Variants in MYO16 observed in about 807,000 individuals in gnomAD.
MYO16 encodes the protein unconventional myosin-XVI.
In MYO16, 94 loss-of-function variants were observed where a neutral mutation model predicts 205.3. That is an observed-to-expected ratio of 0.46 (90% CI 0.39 to 0.54). The LOEUF (loss-of-function observed/expected upper bound fraction) is 0.54. Among genes scored for constraint, MYO16 ranks in the 20% least tolerant of loss-of-function variants. The pLI is 0.00. For missense variants in MYO16, 2,315 were observed against 2,387.5 expected (o/e 0.97, Z 0.63); for synonymous variants, 988 against 954.0 (o/e 1.04, Z -0.66).
chr13:109,088,317 C>T (rs541666754), intron 27 of MYO16, among the ~76,000 whole-genome samples: 1 of 152,238 alleles, frequency 6.6e-6, no homozygotes, highest in Admixed American at 6.5e-5. Context: ...GGAGATGGAG[C>T]TTGGTGTATG....
chr13:109,125,229 A>T lies in MYO16; in HGVS notation c.3653A>T (p.Tyr1218Phe). Residue 1218 changes from tyrosine (Y) to phenylalanine (F), a missense_variant, in exon 30 of 35, where the codon TAC (tyrosine) becomes TTC (phenylalanine). By Grantham distance (22) the Tyr-to-Phe change is conservative. Coordinates refer to ENST00000457511, the MANE Select transcript of MYO16 (RefSeq NM_001198950.3). This position sits in a 1 kb window ranked among gnomAD's most constrained non-coding sequence, Gnocchi z 4.0. Reference sequence around the variant, plus strand: ...ACAGAGGACATGGGGCTGAAAACCTACGATGCCCTGGTCATTCAGAATGCT... The same window carrying T: ...ACAGAGGACATGGGGCTGAAAACCTTCGATGCCCTGGTCATTCAGAATGCT... Reference protein sequence around the residue: ...QNTEDMGLKTYDALVIQNASD... With the variant: ...QNTEDMGLKTFDALVIQNASD... 1.2e-6 allele frequency: 2 copies of T among 1,614,172 alleles called. No homozygotes were observed. The highest frequency in any genetic ancestry group is 1.7e-6 in the Non-Finnish European group (2 of 1,180,030).
At chr13:108,763,263 G>A (rs1384635874) in intron 4 of MYO16, among the ~76,000 whole-genome samples, 1 of 152,106 alleles carries the variant, frequency 6.6e-6, no homozygotes, top group Non-Finnish European at 1.5e-5. Flanking sequence ...ACTCACTAAT[G>A]CATTTCTACA....
chr13:108,527,292 G>C, the MYO16 span, among the ~76,000 whole-genome samples: 1 of 152,070 alleles, frequency 6.6e-6, no homozygotes, highest in Non-Finnish European at 1.5e-5. Flanking sequence ...AGAAACCCAA[G>C]TTCATGATGA....
At chr13:109,175,091 C>T (rs76161364) in intron 33 of MYO16, among the ~76,000 whole-genome samples, 16 of 152,222 alleles carry the variant, frequency 1.1e-4, no homozygotes, top group Admixed American at 2.6e-4. Context: ...GAACCCACTA[C>T]GCTCTGCATG....
intron 32 of MYO16, among the ~76,000 whole-genome samples, chr13:109,153,231 C>T (rs774098294): frequency 4.6e-5 from 7 of 152,002 alleles, no homozygotes; most frequent in Admixed American, 2.0e-4. Context: ...AGGATTTATA[C>T]GGGCAAATAG....
chr13:108,636,769 T>C (rs547364958), intron 1 of MYO16, among the ~76,000 whole-genome samples: 1 of 152,344 alleles, frequency 6.6e-6, no homozygotes, highest in African/African-American at 2.4e-5. Context: ...TCTAGAGCTT[T>C]ATAGTACCTA....
the MYO16 span, among the ~76,000 whole-genome samples, chr13:108,528,238 T>A: frequency 6.6e-6 from 1 of 152,166 alleles, no homozygotes; most frequent in South Asian, 2.1e-4. Flanking sequence ...TATGGCATTT[T>A]AAACCAAAGC....
intron 6 of MYO16, among the ~76,000 whole-genome samples, chr13:108,804,431 G>A (rs1887054695): frequency 6.6e-6 from 1 of 152,118 alleles, no homozygotes; most frequent in Non-Finnish European, 1.5e-5. Flanking sequence ...GTTGCAGTTG[G>A]GCACCTGATA....
At chr13:108,624,269 G>C (rs1206111522) in intron 1 of MYO16, among the ~76,000 whole-genome samples, 2 of 152,174 alleles carry the variant, frequency 1.3e-5, no homozygotes, top group Admixed American at 6.5e-5. Context: ...TGTCCCAGCT[G>C]TCTTATTTAG....
At chr13:108,726,307 T>G (rs1156762706) in intron 3 of MYO16, among the ~76,000 whole-genome samples, 1 of 152,154 alleles carries the variant, frequency 6.6e-6, no homozygotes, top group Non-Finnish European at 1.5e-5. Context: ...TCGCCTGTAA[T>G]CCCAGCACTT....
At chr13:109,021,578 A>C (rs77908601) in intron 23 of MYO16, among the ~76,000 whole-genome samples, 2,574 of 152,288 alleles carry the variant, frequency 0.017, 75 homozygotes, top group African/African-American at 0.059. Flanking sequence ...CAGTGCAAGG[A>C]TATGTGGAAG....
chr13:108,816,007 C>T (rs1436765639), intron 7 of MYO16, among the ~76,000 whole-genome samples: 1 of 152,080 alleles, frequency 6.6e-6, no homozygotes, highest in Non-Finnish European at 1.5e-5. Context: ...ACATAACAAG[C>T]CAGTTGATTT....
chr13:108,565,884 C>T, the MYO16 span, among the ~76,000 whole-genome samples: 34 of 151,876 alleles, frequency 2.2e-4, no homozygotes, highest in Middle Eastern at 3.4e-3. Flanking sequence ...TGGTTTTTAT[C>T]ATGAAGGGAC....
Position 108,844,485 on chromosome 13 carries a change from C to T in MYO16, c.1240C>T (p.Pro414Ser). ...ENPMMSGSTKPEQVKLMPPAP... is the reference protein window; with the variant it reads ...ENPMMSGSTKSEQVKLMPPAP... ...CCCCATGATGAGCGGTTCCACCAAA[C>T]CCGAGCAGGTAATCATGCTTTCACT... Residue 414 changes from proline to serine, a missense_variant, in exon 10 of 35, where the codon CCC (proline) becomes TCC (serine). Physicochemically the swap from Pro to Ser is moderately conservative, Grantham distance 74. Coordinates refer to ENST00000457511, the MANE Select transcript of MYO16 (RefSeq NM_001198950.3). 1.2e-6 allele frequency: 2 copies of T among 1,609,460 alleles called. No individual in the cohort carries two copies. Among genetic ancestry groups the T allele is most frequent in the African/African-American group, 1.3e-5 (1 of 74,990 alleles).
intron 16 of MYO16, among the ~76,000 whole-genome samples, chr13:108,917,165 G>A (rs1318224153): frequency 6.6e-6 from 1 of 152,122 alleles, no homozygotes; most frequent in Admixed American, 6.5e-5. Context: ...AGAAGAGAAC[G>A]TGACCACGTG....
At chr13:108,833,974 C>T (rs1012235517) in intron 9 of MYO16, among the ~76,000 whole-genome samples, 4 of 151,928 alleles carry the variant, frequency 2.6e-5, no homozygotes, top group Non-Finnish European at 5.9e-5. Flanking sequence ...AGTTCTATTA[C>T]TAATAATTTA....
intron 6 of MYO16, among the ~76,000 whole-genome samples, chr13:108,796,304 C>T (rs9555508): frequency 0.41 from 61,794 of 151,964 alleles, 12,769 homozygotes; most frequent in Middle Eastern, 0.5. Context: ...TAGGAACACT[C>T]TTACACTGTT....
At chr13:109,014,724 T>A (rs183141036) in intron 22 of MYO16, among the ~76,000 whole-genome samples, 67 of 152,310 alleles carry the variant, frequency 4.4e-4, no homozygotes, top group African/African-American at 1.5e-3. Flanking sequence ...ATTCTCTTTG[T>A]AGCAATTGTG....
At chr13:108,712,450 C>T (rs978738781) in intron 2 of MYO16, among the ~76,000 whole-genome samples, 4 of 152,126 alleles carry the variant, frequency 2.6e-5, no homozygotes, top group Non-Finnish European at 2.9e-5. Context: ...GATTGTAATA[C>T]GAAATTATGT....
Sources: allele counts gnomAD v4.1 joint callset (sites outside exome capture counted in the v4.1 genomes callset), GRCh38; gene constraint gnomAD v4.1.1; non-coding constraint Gnocchi (gnomAD v3.1); transcripts MANE v1.5; gene names NCBI Gene and HGNC (gene_info 2026-07-23, HGNC 2026-07-21).